Variants in NOX4 observed in about 807,000 individuals in gnomAD.
NOX4 encodes the protein kidney oxidase-1.
A neutral mutation model predicts 87.6 loss-of-function variants in NOX4; 69 were observed. That is an observed-to-expected ratio of 0.79 (90% CI 0.65 to 0.96). The LOEUF is 0.96. Ranked by LOEUF, NOX4 falls within the 40% of genes least tolerant of loss-of-function variation. The pLI, the probability that NOX4 is intolerant of heterozygous loss-of-function variation, is 0.00. For synonymous variants in NOX4, 275 were observed against 238.2 expected (o/e 1.15, Z -1.42); for missense variants, 680 against 681.5 (o/e 1.00, Z 0.02).
the NOX4 span, among the ~76,000 whole-genome samples, chr11:89,553,954 C>T: frequency 1.9e-4 from 29 of 151,402 alleles, no homozygotes; most frequent in East Asian, 9.7e-4. Context: ...GACTCCTATC[C>T]GCTCACGGAA....
the NOX4 span, among the ~76,000 whole-genome samples, chr11:89,573,608 C>T: frequency 9.9e-5 from 15 of 152,276 alleles, no homozygotes; most frequent in African/African-American, 3.6e-4. Context: ...CTGCAGCAAC[C>T]TGAATTCTTA....
At chr11:89,528,063 T>C in the NOX4 span, among the ~76,000 whole-genome samples, 1 of 152,196 alleles carries the variant, frequency 6.6e-6, no homozygotes, top group Admixed American at 6.5e-5. Flanking sequence ...CTTGCATCAG[T>C]GTGAACTGGA....
intron 12 of NOX4, among the ~76,000 whole-genome samples, chr11:89,356,069 C>A (rs1173405531): frequency 6.6e-6 from 1 of 151,952 alleles, no homozygotes; most frequent in East Asian, 1.9e-4. Flanking sequence ...TGTAACAGAA[C>A]ATAATTTTTA....
intron 2 of NOX4, among the ~76,000 whole-genome samples, chr11:89,470,556 T>C (rs1291921873): frequency 2.6e-5 from 4 of 152,108 alleles, no homozygotes; most frequent in Non-Finnish European, 5.9e-5. Context: ...GGACATACAC[T>C]TTCCATCCTC....
At chr11:89,513,040 G>A in the NOX4 span, among the ~76,000 whole-genome samples, 4 of 152,038 alleles carry the variant, frequency 2.6e-5, no homozygotes, top group African/African-American at 9.7e-5. Flanking sequence ...TTCACATTCG[G>A]CTGGGTGCAG....
upstream of NOX4, among the ~76,000 whole-genome samples, chr11:89,494,424 G>T (rs950583014): frequency 1.3e-5 from 2 of 152,090 alleles, no homozygotes; most frequent in African/African-American, 2.4e-5. Context: ...AATCATTACT[G>T]CATTTTCCAC....
chr11:89,396,922 TTAACAAGGATA>T (rs996278629), intron 11 of NOX4, among the ~76,000 whole-genome samples: 3 of 152,110 alleles, frequency 2.0e-5, no homozygotes, highest in African/African-American at 7.2e-5. Context: ...AGACAGAAGG[TTAACAAGGATA>T]TCCTTGACTT....
the NOX4 span, among the ~76,000 whole-genome samples, chr11:89,543,715 A>C: frequency 6.6e-6 from 1 of 152,118 alleles, no homozygotes; most frequent in African/African-American, 2.4e-5. Context: ...CAAAACCAGC[A>C]AAAGTATGAG....
At chr11:89,542,675 CCTTTCTT>C in the NOX4 span, among the ~76,000 whole-genome samples, 1 of 152,060 alleles carries the variant, frequency 6.6e-6, no homozygotes, top group Non-Finnish European at 1.5e-5. Flanking sequence ...CCTTTTTATC[CCTTTCTT>C]CACTGCCTGG....
intron 11 of NOX4, among the ~76,000 whole-genome samples, chr11:89,378,706 G>C (rs981601764): frequency 6.6e-6 from 1 of 151,858 alleles, no homozygotes; most frequent in African/African-American, 2.4e-5. Flanking sequence ...AAATATAGGA[G>C]AATAAAAACG....
intron 11 of NOX4, among the ~76,000 whole-genome samples, chr11:89,392,146 A>T (rs1008634303): frequency 1.3e-5 from 2 of 152,164 alleles, no homozygotes; most frequent in Non-Finnish European, 2.9e-5. Flanking sequence ...CAGAACCAGA[A>T]GAAATAAGAC....
At chr11:89,488,675 T>A (rs1294530625) in intron 2 of NOX4, among the ~76,000 whole-genome samples, 1 of 152,202 alleles carries the variant, frequency 6.6e-6, no homozygotes, top group Non-Finnish European at 1.5e-5. Context: ...TACAAATACC[T>A]CGTGATCCAG....
intron 16 of NOX4, 144 bp downstream of exon 16, chr11:89,337,303 A>G (rs1945758407): frequency 3.2e-6 from 4 of 1,267,538 alleles, no homozygotes; most frequent in Non-Finnish European, 4.3e-6. Context: ...ACAAGCTATG[A>G]CTTTCCTGGA....
At chr11:89,328,256 G>A (rs1488087504) in intron 17 of NOX4, among the ~76,000 whole-genome samples, 3 of 152,196 alleles carry the variant, frequency 2.0e-5, no homozygotes, top group Non-Finnish European at 4.4e-5. Flanking sequence ...TGTGAGTAAA[G>A]AGATATCAGA....
the NOX4 span, among the ~76,000 whole-genome samples, chr11:89,577,844 C>T: frequency 6.6e-6 from 1 of 151,918 alleles, no homozygotes; most frequent in Admixed American, 6.6e-5. Context: ...AAAACAAATC[C>T]AGTAAATTTT....
chr11:89,449,030 G>C (rs1409135622), intron 4 of NOX4, among the ~76,000 whole-genome samples: 1 of 152,012 alleles, frequency 6.6e-6, no homozygotes, highest in African/African-American at 2.4e-5. Context: ...TCAGCTTGGG[G>C]GCCAACTTTT....
the NOX4 span, among the ~76,000 whole-genome samples, chr11:89,565,295 CT>C: frequency 2.0e-5 from 3 of 151,858 alleles, no homozygotes; most frequent in Non-Finnish European, 2.9e-5. Context: ...TTAAATTTTA[CT>C]TTCAATTGTT....
rs544072980 is a variant in NOX4, at chr11:89,441,534, C to A, written c.448-819G>T. ...TCATCTGGGGGTCTTTGAATAAGGA[C>A]CACTTGCTTAGGAATAGCTCCTCAC... On this transcript the variant is annotated intron_variant, in intron 5 of 17. Transcript: ENST00000263317. 3.9e-5 allele frequency among the ~76,000 whole-genome samples: 6 copies of A among 152,222 alleles called. No individual in the cohort carries two copies. The East Asian group carries it at 1.2e-3, about 29-fold the overall frequency.
At chr11:89,490,704 T>G (rs1259943552) in intron 1 of NOX4, 151 bp from the exon 2 acceptor site, 1 of 713,604 alleles carries the variant, frequency 1.4e-6, no homozygotes, top group Admixed American at 2.0e-5. Flanking sequence ...ACCAGCAAGC[T>G]GAAAACCACT....
Sources: gnomAD v4.1 joint callset for allele counts (sites outside exome capture counted in the v4.1 genomes callset) on GRCh38, gnomAD v4.1.1 for gene constraint, MANE v1.5 for transcripts, NCBI Gene and HGNC (gene_info 2026-07-23, HGNC 2026-07-21) for gene names.